Variants in CALN1 observed in about 807,000 individuals in gnomAD.
CALN1 encodes the protein calcium-binding protein 8.
Under a neutral mutation model 30.6 loss-of-function variants are expected in CALN1, and 17 were observed. The observed-to-expected ratio is 0.56, with a 90% CI of 0.38 to 0.83. CALN1 has a LOEUF of 0.83. CALN1 is among the 40% of genes least tolerant of loss of function. The pLI, the probability that CALN1 is intolerant of heterozygous loss-of-function variation, is 0.00. For missense variants in CALN1, 291 were observed against 354.9 expected, an observed-to-expected ratio of 0.82 and a Z score of 1.45; for synonymous variants, 156 against 131.4, an observed-to-expected ratio of 1.19 and a Z score of -1.28.
intron 2 of CALN1, among the ~76,000 whole-genome samples, chr7:72,358,342 A>C (rs1164352494): frequency 1.3e-5 from 2 of 151,886 alleles, no homozygotes; most frequent in Admixed American, 1.3e-4. Flanking sequence ...CTAGTGTAAC[A>C]CTCTGGATCT....
At chr7:72,382,955 A>T (rs1804997132) in intron 2 of CALN1, among the ~76,000 whole-genome samples, 1 of 151,992 alleles carries the variant, frequency 6.6e-6, no homozygotes, top group African/African-American at 2.4e-5. Flanking sequence ...CGCCCAGCTA[A>T]TTTTTGTATT....
chr7:71,911,745 GACTC>G (rs1288457710), intron 5 of CALN1, among the ~76,000 whole-genome samples: 5 of 152,096 alleles, frequency 3.3e-5, no homozygotes, highest in Non-Finnish European at 7.3e-5. Flanking sequence ...AGATATGAAT[GACTC>G]ACTAAATCAG....
At chr7:72,235,339 A>G (rs151103708) in intron 3 of CALN1, among the ~76,000 whole-genome samples, 1 of 152,166 alleles carries the variant, frequency 6.6e-6, no homozygotes, top group Non-Finnish European at 1.5e-5. Flanking sequence ...CAAGCAGATC[A>G]ATTAGAGTGT....
At chr7:72,367,751 C>T (rs1469158312) in intron 2 of CALN1, among the ~76,000 whole-genome samples, 1 of 151,658 alleles carries the variant, frequency 6.6e-6, no homozygotes, top group Non-Finnish European at 1.5e-5. Context: ...AAGGGGATCG[C>T]TTGAGCCCAC....
intron 2 of CALN1, among the ~76,000 whole-genome samples, chr7:72,305,256 A>G (rs1467560761): frequency 6.6e-6 from 1 of 152,222 alleles, no homozygotes; most frequent in Non-Finnish European, 1.5e-5. Context: ...GAAATCCTGC[A>G]CCAGCTTCAC....
intron 5 of CALN1, among the ~76,000 whole-genome samples, chr7:71,986,489 G>C (rs529682936): frequency 2.0e-5 from 3 of 152,320 alleles, no homozygotes; most frequent in South Asian, 2.1e-4. Context: ...AACAGAAACT[G>C]GCTGAGCAGA....
intron 2 of CALN1, among the ~76,000 whole-genome samples, chr7:72,379,610 T>C (rs1306471698): frequency 1.3e-5 from 2 of 152,234 alleles, no homozygotes; most frequent in Non-Finnish European, 2.9e-5. Flanking sequence ...CCAGGTCAAA[T>C]TTCACCTTGA....
chr7:71,969,221 C>A (rs922187018), intron 5 of CALN1, among the ~76,000 whole-genome samples: 1 of 152,092 alleles, frequency 6.6e-6, no homozygotes, highest in Non-Finnish European at 1.5e-5. Context: ...TTATCTTTTG[C>A]AGCCTGTGAA....
At chr7:72,441,718 C>G (rs879368206) in intron 1 of CALN1, among the ~76,000 whole-genome samples, 8 of 152,024 alleles carry the variant, frequency 5.3e-5, no homozygotes, top group Admixed American at 4.6e-4. Flanking sequence ...GAAGGAAGCA[C>G]CTCCCTCCCA....
intron 2 of CALN1, among the ~76,000 whole-genome samples, chr7:72,344,129 G>A (rs542799943): frequency 6.6e-6 from 1 of 152,052 alleles, no homozygotes; most frequent in East Asian, 1.9e-4. Flanking sequence ...GGAAGAGAGA[G>A]ACAGGGAGAA....
intron 4 of CALN1, among the ~76,000 whole-genome samples, chr7:72,100,049 G>A (rs1004781143): frequency 6.6e-6 from 1 of 152,128 alleles, no homozygotes; most frequent in African/African-American, 2.4e-5. Context: ...GGGAGGATTT[G>A]CAATAATCTA....
At chr7:72,031,607 T>C (rs1425281401) in intron 4 of CALN1, among the ~76,000 whole-genome samples, 1 of 152,110 alleles carries the variant, frequency 6.6e-6, no homozygotes, top group Admixed American at 6.6e-5. Context: ...GATCTCACTC[T>C]GTCACCCAGA....
At chr7:72,464,038 AAAAG>A in the CALN1 span, among the ~76,000 whole-genome samples, 4 of 151,370 alleles carry the variant, frequency 2.6e-5, no homozygotes, top group Non-Finnish European at 4.4e-5. Context: ...AGAAAGAAGG[AAAAG>A]AAAGAAAGAA....
At chr7:72,276,807 T>C (rs1324827811) in intron 3 of CALN1, among the ~76,000 whole-genome samples, 1 of 152,162 alleles carries the variant, frequency 6.6e-6, no homozygotes, top group Non-Finnish European at 1.5e-5. Flanking sequence ...CAGCCAAATA[T>C]AGTTCTTTTC....
At chr7:72,226,077 A>C (rs866144747) in intron 3 of CALN1, among the ~76,000 whole-genome samples, 12 of 139,650 alleles carry the variant, frequency 8.6e-5, no homozygotes, top group African/African-American at 3.0e-4. Flanking sequence ...GCCTGGTGAC[A>C]GAGCGAGACT....
At chr7:72,150,271 CAATA>C (rs1453962098) in intron 3 of CALN1, among the ~76,000 whole-genome samples, 4 of 152,070 alleles carry the variant, frequency 2.6e-5, no homozygotes, top group Non-Finnish European at 4.4e-5. Context: ...TTATTTGAAT[CAATA>C]AATAAAAAGG....
intron 4 of CALN1, among the ~76,000 whole-genome samples, chr7:72,088,779 A>AGTAAG (rs2129539540): frequency 1.3e-5 from 1 of 74,550 alleles, no homozygotes; most frequent in South Asian, 8.6e-4. Flanking sequence ...AAGTAAGAGA[A>AGTAAG]GGAAGGGAAG....
At chr7:72,357,226 C>T (rs1803287906) in intron 2 of CALN1, among the ~76,000 whole-genome samples, 1 of 151,880 alleles carries the variant, frequency 6.6e-6, no homozygotes, top group Non-Finnish European at 1.5e-5. Flanking sequence ...TCCTGTGCTT[C>T]GGAACCAACG....
At chr7:72,213,541 A>C (rs1368306431) in intron 3 of CALN1, among the ~76,000 whole-genome samples, 1 of 152,184 alleles carries the variant, frequency 6.6e-6, no homozygotes, top group African/African-American at 2.4e-5. Flanking sequence ...ATTGCTGTAG[A>C]TTTTATGGTA....
Sources: gnomAD v4.1 joint callset for allele counts (sites outside exome capture counted in the v4.1 genomes callset) on GRCh38, gnomAD v4.1.1 for gene constraint, MANE v1.5 for transcripts, NCBI Gene and HGNC (gene_info 2026-07-23, HGNC 2026-07-21) for gene names.